SRCIN1: variants seen among roughly 807,000 people sequenced by gnomAD.
The protein encoded by SRCIN1 is SRC kinase signaling inhibitor 1, also known as P130Cas-associated protein.
A neutral mutation model predicts 116.2 loss-of-function variants in SRCIN1; 50 were observed. The ratio of observed to expected loss-of-function variants is 0.43; its 90% confidence interval spans 0.34 to 0.54. SRCIN1 has a LOEUF of 0.54. Among genes scored for constraint, SRCIN1 ranks in the 20% least tolerant of loss-of-function variants. The probability of loss-of-function intolerance (pLI) is 0.02; values close to 1 mark genes in which losing one functional copy is unlikely to be tolerated. For missense variants in SRCIN1, 1,446 were observed against 1,672.0 expected, an observed-to-expected ratio of 0.86 and a Z score of 2.36; for synonymous variants, 736 against 750.0, an observed-to-expected ratio of 0.98 and a Z score of 0.30.
chr17:38,606,328 A>G (rs779477293), upstream of SRCIN1, among the ~76,000 whole-genome samples: 88 of 145,734 alleles, frequency 6.0e-4, no homozygotes, highest in South Asian at 2.3e-3. This position sits in a 1 kb window ranked among gnomAD's most constrained non-coding sequence, Gnocchi z 5.2. Flanking sequence ...AGGGATGGAA[A>G]GGCTCTCGGG....
intron 18 of SRCIN1, among the ~76,000 whole-genome samples, chr17:38,536,075 G>A (rs1473311820): frequency 2.0e-5 from 3 of 152,216 alleles, no homozygotes; most frequent in Non-Finnish European, 2.9e-5. Flanking sequence ...AACAGCCAGT[G>A]CAAGACCTTT....
chr17:38,577,339 C>T (rs1262913860), intron 2 of SRCIN1, among the ~76,000 whole-genome samples: 1 of 152,230 alleles, frequency 6.6e-6, no homozygotes, highest in Admixed American at 6.5e-5. Flanking sequence ...TTCTTCAACT[C>T]TCTCTAATCC....
chr17:38,538,373 C>T lies in SRCIN1; in HGVS notation c.3418-4942G>A, dbSNP rs535147790. Among the ~76,000 whole-genome samples the T allele has an allele frequency of 2.8e-3, 403 of 141,436 alleles. 1 individual carries two copies. Among genetic ancestry groups the T allele is most frequent in the South Asian group, 7.5e-3 (33 of 4,390 alleles). 92.8% of individuals were successfully genotyped at this position (141,436 alleles called of 152,430 possible). Reference sequence around the variant, plus strand: ...CGGAGGTTGCAGTGAGCCAAAGTTGCGCCACTGCACTCCAGCCTGGGTGAC... The same window carrying T: ...CGGAGGTTGCAGTGAGCCAAAGTTGTGCCACTGCACTCCAGCCTGGGTGAC... On this transcript the variant is annotated intron_variant, in intron 18 of 18. Transcript: ENST00000617146.
intron 14 of SRCIN1, 60 bp downstream of exon 14, chr17:38,551,826 T>A: frequency 6.2e-7 from 1 of 1,607,206 alleles, no homozygotes; most frequent in South Asian, 1.1e-5. Context: ...CTAGGAAGGA[T>A]GGTCGTAAGA....
intron 18 of SRCIN1, among the ~76,000 whole-genome samples, chr17:38,538,380 G>A (rs958347951): frequency 1.4e-5 from 2 of 141,938 alleles, no homozygotes; most frequent in East Asian, 4.0e-4. Flanking sequence ...TTGCGCCACT[G>A]CACTCCAGCC....
Position 38,552,141 on chromosome 17 carries a change from G to A in SRCIN1, c.2481-9C>T. ...CACCCTCATCCACTTGCCTGGGGTT[G>A]GGAGAGTTGGGAGCAGCTGTGAGGC... is the stretch of plus-strand genomic sequence containing the variant. On this transcript the variant is annotated splice_polypyrimidine_tract_variant and intron_variant, in intron 13 of 18. Coordinates refer to ENST00000617146, the MANE Select transcript of SRCIN1 (RefSeq NM_025248.3). The surrounding 1 kb of genome is among the most constrained non-coding windows in gnomAD (Gnocchi z 5.3). 1 of 1,604,062 alleles carries A rather than the reference G, an allele frequency of 6.2e-7. No individual in the cohort carries two copies. The highest frequency in any genetic ancestry group is 8.5e-7 in the Non-Finnish European group (1 of 1,174,070).
intron 1 of SRCIN1, among the ~76,000 whole-genome samples, chr17:38,603,415 G>A (rs928983830): frequency 6.6e-6 from 1 of 152,074 alleles, no homozygotes; most frequent in African/African-American, 2.4e-5. Flanking sequence ...AGCTCTTTGA[G>A]GGGTTCATTC....
chr17:38,578,876 G>A, intron 1 of SRCIN1, 85 bp from the exon 2 acceptor site: 1 of 1,406,546 alleles, frequency 7.1e-7, no homozygotes. Context: ...CTGCGGGAAG[G>A]GGCGGGGCCT....
At chr17:38,566,910 C>CTTCCTTCCTTCT in intron 3 of SRCIN1, among the ~76,000 whole-genome samples, 2 of 118,874 alleles carry the variant, frequency 1.7e-5, no homozygotes, top group Non-Finnish European at 3.9e-5. Flanking sequence ...TCTTTCCTTC[C>CTTCCTTCCTTCT]TTCCTTCCTT....
intron 1 of SRCIN1, among the ~76,000 whole-genome samples, chr17:38,579,237 T>G (rs1907634398): frequency 6.6e-6 from 1 of 152,124 alleles, no homozygotes; most frequent in Non-Finnish European, 1.5e-5. Context: ...GAAAATGAGC[T>G]CGTAGTCTTC....
At chr17:38,582,011 G>A (rs980790731) in intron 1 of SRCIN1, among the ~76,000 whole-genome samples, 4 of 152,176 alleles carry the variant, frequency 2.6e-5, no homozygotes, top group Admixed American at 6.5e-5. Context: ...CAGGCCTTGT[G>A]GATTCTGCCG....
intron 2 of SRCIN1, among the ~76,000 whole-genome samples, chr17:38,576,699 A>C (rs957689174): frequency 6.6e-6 from 1 of 150,832 alleles, no homozygotes; most frequent in Non-Finnish European, 1.5e-5. Flanking sequence ...ATTTCCCTCC[A>C]ACCCTCCTAT....
intron 2 of SRCIN1, 24 bp downstream of exon 2, chr17:38,578,466 A>G: frequency 6.4e-7 from 1 of 1,550,546 alleles, no homozygotes; most frequent in Non-Finnish European, 8.7e-7. Context: ...CCGCAGCCGC[A>G]GCCGCAGCCG....
chr17:38,542,966 A>T (rs566966273), intron 18 of SRCIN1: 4 of 419,118 alleles, frequency 9.5e-6, no homozygotes, highest in South Asian at 6.8e-5. Context: ...GGCCTGTCAT[A>T]CAGGAGCTGC....
intron 1 of SRCIN1, among the ~76,000 whole-genome samples, chr17:38,596,385 G>A (rs528986361): frequency 7.2e-5 from 11 of 152,156 alleles, no homozygotes; most frequent in African/African-American, 2.7e-4. Context: ...AGGGACTGAG[G>A]GGGTAGAGAC....
Position 38,533,151 on chromosome 17 carries a change from C to T in SRCIN1, c.*146G>A. On this transcript the variant is annotated 3_prime_UTR_variant, in exon 19 of 19. Transcript: ENST00000617146. Reference sequence around the variant, plus strand: ...ACCAACAGATGATGGGTAGGGGTCGCTGAGGAGGGCCGCACCCTCCTCTTC... The same window carrying T: ...ACCAACAGATGATGGGTAGGGGTCGTTGAGGAGGGCCGCACCCTCCTCTTC... 2 of 781,290 alleles carry T rather than the reference C, an allele frequency of 2.6e-6. No homozygotes were observed. The highest frequency in any genetic ancestry group is 3.4e-6 in the Non-Finnish European group (2 of 584,358). The allele number at this position is 781,290 out of a possible 1,614,324, so 48.4% of individuals were successfully genotyped here.
chr17:38,605,279 C>T (rs1909296324), intron 1 of SRCIN1, among the ~76,000 whole-genome samples: 1 of 148,878 alleles, frequency 6.7e-6, no homozygotes, highest in Non-Finnish European at 1.5e-5. Context: ...CTCCACTTCC[C>T]CCACCTCGGA....
At chr17:38,596,209 G>A (rs933929447) in intron 1 of SRCIN1, among the ~76,000 whole-genome samples, 4 of 152,240 alleles carry the variant, frequency 2.6e-5, no homozygotes, top group African/African-American at 9.6e-5. Context: ...GGAGAGAGGA[G>A]GGGGCCGGGG....
Position 38,563,465 on chromosome 17 carries a change from C to G in SRCIN1, c.598G>C (p.Val200Leu), listed in dbSNP as rs1906426972. ...GCGTGCAGCGTGTCCAGGCTGCTGA[C>G]CTCGTGCGTGATGTGCACGCGCCGA... The part of the protein sequence containing the change: ...ETRRVHITHE[V>L]SSLDTLHALI... Residue 200 changes from valine (V) to leucine (L), a missense_variant, in exon 5 of 19, where the codon GTC becomes CTC. By Grantham distance (32) the Val-to-Leu change is conservative. This residue lies in a region of SRCIN1 where 32 missense variants were observed against 69.7 expected (regional missense o/e 0.46). Transcript: ENST00000617146. This position sits in a 1 kb window ranked among gnomAD's most constrained non-coding sequence, Gnocchi z 5.8. 6.4e-7 allele frequency: 1 copy of G among 1,557,182 alleles called. No individual in the cohort carries two copies. The highest frequency in any genetic ancestry group is 1.2e-5 in the South Asian group (1 of 84,426).
Sources: gnomAD v4.1 joint callset for allele counts (sites outside exome capture counted in the v4.1 genomes callset) on GRCh38, gnomAD v4.1.1 for gene constraint, gnomAD v4.1.1 regional missense constraint, Gnocchi (gnomAD v3.1) non-coding constraint, MANE v1.5 for transcripts, NCBI Gene and HGNC (gene_info 2026-07-23, HGNC 2026-07-21) for gene names.